ARHGEF18: variants seen among roughly 807,000 people sequenced by gnomAD.
ARHGEF18 encodes Rho/Rac guanine nucleotide exchange factor 18, also known as rho guanine nucleotide exchange factor 18.
ARHGEF18 carries 93 observed loss-of-function variants against 155.7 expected under a neutral mutation model. That is an observed-to-expected ratio of 0.60 (90% CI 0.50 to 0.71). The LOEUF is 0.71. Among genes scored for constraint, ARHGEF18 ranks in the 30% least tolerant of loss-of-function variants. The pLI is 0.00. For synonymous variants in ARHGEF18, 742 were observed against 753.1 expected (o/e 0.99, Z 0.24); for missense variants, 1,593 against 1,816.1 (o/e 0.88, Z 2.23).
rs761903921 is a variant in ARHGEF18 at position 7,459,975 on chromosome 19, G to A, written c.2433G>A (p.Thr811=). Residue 811 remains threonine, a synonymous_variant, in exon 20 of 29, where the codon ACG becomes ACA. Coordinates refer to ENST00000668164, the MANE Select transcript of ARHGEF18 (RefSeq NM_001367823.1). ...GGAAGGTGGTCGAGGCCCGCGCCAC[G>A]AGACTCCGGGACTTTCAAGGTGAGC... ...EERKVVEARA[T]RLRDFQERLS... is the part of the protein sequence containing the mutation. 1.8e-5 allele frequency: 28 copies of A among 1,581,770 alleles called. No homozygotes were observed. Among genetic ancestry groups the A allele is most frequent in the South Asian group, 1.7e-4 (15 of 86,510 alleles).
chr19:7,442,623 T>C (rs1974733964), intron 13 of ARHGEF18, among the ~76,000 whole-genome samples: 1 of 152,238 alleles, frequency 6.6e-6, no homozygotes, highest in Admixed American at 6.5e-5. Flanking sequence ...TTATAATACG[T>C]CCCTGTGAAC....
At position 7,467,506 on chromosome 19, in the gene ARHGEF18, G is replaced by T. The variant is rs1232452284; in HGVS notation, c.3302G>T (p.Arg1101Leu). 2 of 1,431,802 alleles carry T rather than the reference G, an allele frequency of 1.4e-6. No homozygotes were observed. Among genetic ancestry groups the T allele is most frequent in the East Asian group, 2.8e-5 (1 of 35,130 alleles). The allele number at this position is 1,431,802 out of a possible 1,614,324, so 88.7% of individuals were successfully genotyped here. ...REGEARQLRE[R>L]LEQERAELER... The stretch of plus-strand genomic sequence containing the variant: ...GGCGAGGCGCGGCAGCTACGCGAGC[G>T]GCTGGAGCAGGAGCGGGCCGAGCTG... The change falls in exon 26 of 29, where the codon CGG becomes CTG. Residue 1101 changes from arginine (R) to leucine (L), a missense_variant. Coordinates refer to ENST00000668164, the MANE Select transcript of ARHGEF18 (RefSeq NM_001367823.1).
At chr19:7,376,812 G>A (rs763640324) in intron 5 of ARHGEF18, 55 bp downstream of exon 5, 1 of 1,155,662 alleles carries the variant, frequency 8.7e-7, no homozygotes, top group East Asian at 3.2e-5. Flanking sequence ...AGAGGAGCCT[G>A]GCCAACATGG....
chr19:7,384,327 C>A, intron 10 of ARHGEF18, among the ~76,000 whole-genome samples: 1 of 152,182 alleles, frequency 6.6e-6, no homozygotes, highest in East Asian at 1.9e-4. Flanking sequence ...CCAAAAGTCT[C>A]CTGGGGGGCA....
Position 7,395,338 on chromosome 19 carries a change from C to G in ARHGEF18, c.967+12135C>G. 1.0e-6 allele frequency: 1 copy of G among 984,104 alleles called. No homozygotes were observed. Among genetic ancestry groups the G allele is most frequent in the Non-Finnish European group, 1.2e-6 (1 of 828,714 alleles). The allele number at this position is 984,104 out of a possible 1,614,324, so 61.0% of individuals were successfully genotyped here. ...GGGGGTGGCCTGGGGCGCGGGACCC[C>G]CGGGGCTGCCTCGGGCCTCCCGCCG... On this transcript the variant is annotated intron_variant, in intron 10 of 28. Transcript: ENST00000668164. This position sits in a 1 kb window ranked among gnomAD's most constrained non-coding sequence, Gnocchi z 5.0.
At chr19:7,376,799 G>A (rs539173814) in intron 5 of ARHGEF18, 42 bp downstream of exon 5, 1 of 1,201,798 alleles carries the variant, frequency 8.3e-7, no homozygotes. Context: ...CCAAGTCAGG[G>A]AAAGAGGAGC....
At chr19:7,380,425 G>T (rs1490059172) in intron 7 of ARHGEF18, among the ~76,000 whole-genome samples, 2 of 150,606 alleles carry the variant, frequency 1.3e-5, no homozygotes. Flanking sequence ...CTTGCAGTGA[G>T]CCGAGATCGC....
chr19:7,468,577 T>C (rs1568368516), intron 26 of ARHGEF18, among the ~76,000 whole-genome samples: 1 of 152,108 alleles, frequency 6.6e-6, no homozygotes, highest in Non-Finnish European at 1.5e-5. Flanking sequence ...TGTGAACAGA[T>C]GTGGACACGG....
chr19:7,360,177 A>G (rs185708662), intron 1 of ARHGEF18, among the ~76,000 whole-genome samples: 44 of 150,234 alleles, frequency 2.9e-4, no homozygotes, highest in Non-Finnish European at 1.5e-5. Context: ...AACAACAACA[A>G]CAAAACATGC....
At chr19:7,447,955 C>A (rs1975100359) in intron 15 of ARHGEF18, among the ~76,000 whole-genome samples, 1 of 152,188 alleles carries the variant, frequency 6.6e-6, no homozygotes, top group Admixed American at 6.6e-5. Context: ...ATAGCAAGAT[C>A]CCATCTCTAT....
Position 7,463,406 on chromosome 19 carries a change from G to GGCCT in ARHGEF18, c.2636-412_2636-411insGCCT, listed in dbSNP as rs1976410131. Among the ~76,000 whole-genome samples, 1 of 152,144 alleles carries GGCCT rather than the reference G, an allele frequency of 6.6e-6. No individual in the cohort carries two copies. The highest frequency in any genetic ancestry group is 1.5e-5 in the Non-Finnish European group (1 of 68,038). On this transcript the variant is annotated intron_variant, in intron 21 of 28. Transcript: ENST00000668164. The surrounding 1 kb of genome is among the most constrained non-coding windows in gnomAD (Gnocchi z 5.2). ...TCTGTAGACAGCCCTTCCCCACAAA[G>GGCCT]TCACTCTCCCATATGGCCATTGTCA...
Position 7,457,797 on chromosome 19 carries a change from CTG to C in ARHGEF18, c.2182-712_2182-711del, listed in dbSNP as rs1600515268. On this transcript the variant is annotated intron_variant, in intron 18 of 28. Coordinates refer to ENST00000668164, the MANE Select transcript of ARHGEF18 (RefSeq NM_001367823.1). ...CAGTTAAAATGTGCATTTTGCTGGTCTGTGGAAGCATTGTCTCTTGAAGGATG... is the reference window on the plus strand; with the variant it reads ...CAGTTAAAATGTGCATTTTGCTGGTCTGGAAGCATTGTCTCTTGAAGGATG... 2.6e-5 allele frequency among the ~76,000 whole-genome samples: 4 copies of C among 152,152 alleles called. No individual in the cohort carries two copies. In the South Asian group the frequency reaches 8.3e-4, roughly 32 times the overall value.
In ARHGEF18 at chr19:7,444,399, A is replaced by G; in HGVS notation, c.1556A>G (p.Glu519Gly). Reference protein sequence around the residue: ...LKERRQESLEEGSDRNYVIQK... With the variant: ...LKERRQESLEGGSDRNYVIQK... The stretch of plus-strand genomic sequence containing the variant: ...GAGCGCCGCCAGGAGTCCCTGGAGG[A>G]GGGCAGTGACCGGAATTATGTCATC... Residue 519 changes from glutamate to glycine, a missense_variant, in exon 14 of 29, where the codon GAG becomes GGG. Physicochemically the swap from Glu to Gly is moderately conservative, Grantham distance 98. Transcript: ENST00000668164. The surrounding 1 kb of genome is among the most constrained non-coding windows in gnomAD (Gnocchi z 4.7). The G allele has an allele frequency of 6.2e-7, 1 of 1,613,686 alleles. No individual in the cohort carries two copies.
intron 10 of ARHGEF18, among the ~76,000 whole-genome samples, chr19:7,423,087 A>G (rs911129384): frequency 6.6e-6 from 1 of 152,052 alleles, no homozygotes; most frequent in Non-Finnish European, 1.5e-5. Flanking sequence ...GTCATCAGTG[A>G]CTGTCTGGAC....
intron 10 of ARHGEF18, among the ~76,000 whole-genome samples, chr19:7,385,504 C>T (rs1328222402): frequency 6.7e-6 from 1 of 148,952 alleles, no homozygotes; most frequent in Admixed American, 6.7e-5. Context: ...GAGACGGAGT[C>T]CCACTCTGTC....
rs542144583 is a variant in ARHGEF18 at position 7,466,265 on chromosome 19, C to T, written c.2905-653C>T. Among the ~76,000 whole-genome samples, 733 of 151,246 alleles carry T rather than the reference C, an allele frequency of 4.8e-3. 4 individuals are homozygous for T. Among genetic ancestry groups the T allele is most frequent in the Non-Finnish European group, 8.3e-3 (561 of 67,900 alleles). On this transcript the variant is annotated intron_variant, in intron 23 of 28. Transcript: ENST00000668164. The stretch of plus-strand genomic sequence containing the variant: ...AGGCGTGGTGGCACATTCGAGTAAT[C>T]CCAGCTATTTGGGAGGCTGAGGCAG...
At chr19:7,366,749 ATTTAT>A (rs1969904494) in intron 2 of ARHGEF18, among the ~76,000 whole-genome samples, 1 of 151,942 alleles carries the variant, frequency 6.6e-6, no homozygotes, top group African/African-American at 2.4e-5. Context: ...CCTGAAATTT[ATTTAT>A]TTTATGTAAT....
chr19:7,438,924 G>A (rs1191921947), intron 10 of ARHGEF18, among the ~76,000 whole-genome samples: 1 of 152,078 alleles, frequency 6.6e-6, no homozygotes, highest in African/African-American at 2.4e-5. Context: ...CCAGGCTGGA[G>A]TGCAGTGGCG....
At chr19:7,387,797 G>A (rs1193866353) in intron 10 of ARHGEF18, among the ~76,000 whole-genome samples, 1 of 151,920 alleles carries the variant, frequency 6.6e-6, no homozygotes, top group African/African-American at 2.4e-5. Flanking sequence ...AGCCTCCCGA[G>A]TGGCTGGGAT....
Sources: gnomAD v4.1 joint callset for allele counts (sites outside exome capture counted in the v4.1 genomes callset) on GRCh38, gnomAD v4.1.1 for gene constraint, Gnocchi (gnomAD v3.1) non-coding constraint, MANE v1.5 for transcripts, NCBI Gene and HGNC (gene_info 2026-07-23, HGNC 2026-07-21) for gene names.